The following RHBDD1 variants were observed in gnomAD, a reference collection of about 807,000 sequenced individuals.
RHBDD1 encodes the protein rhomboid-related protein 4.
A neutral mutation model predicts 36.3 loss-of-function variants in RHBDD1; 38 were observed. That is an observed-to-expected ratio of 1.05 (90% CI 0.81 to 1.37). The LOEUF (loss-of-function observed/expected upper bound fraction) is 1.37, where lower values mean the gene tolerates loss of function less well. RHBDD1 is among the 40% of genes most tolerant of loss of function. The probability of loss-of-function intolerance (pLI) is 0.00; values close to 1 mark genes in which losing one functional copy is unlikely to be tolerated. For missense variants in RHBDD1, 393 were observed against 377.6 expected (o/e 1.04, Z -0.34); for synonymous variants, 151 against 136.5 (o/e 1.11, Z -0.74).
chr2:226,928,302 C>T (rs1202984213), intron 8 of RHBDD1, among the ~76,000 whole-genome samples: 4 of 152,020 alleles, frequency 2.6e-5, no homozygotes, highest in Non-Finnish European at 5.9e-5. Context: ...TATCAGATAT[C>T]TTCTCAGACC....
chr2:226,968,432 A>G (rs1240518645), intron 8 of RHBDD1, among the ~76,000 whole-genome samples: 1 of 152,166 alleles, frequency 6.6e-6, no homozygotes, highest in Non-Finnish European at 1.5e-5. Flanking sequence ...GGGAAGTTTC[A>G]GCTCTGCTCT....
At chr2:226,955,104 G>A (rs1951702991) in intron 8 of RHBDD1, among the ~76,000 whole-genome samples, 1 of 152,072 alleles carries the variant, frequency 6.6e-6, no homozygotes, top group South Asian at 2.1e-4. Flanking sequence ...GGCTCAGGGA[G>A]GGTCACTTGG....
chr2:226,868,566 T>C (rs1012045113), intron 5 of RHBDD1, among the ~76,000 whole-genome samples: 21 of 152,358 alleles, frequency 1.4e-4, no homozygotes, highest in Admixed American at 1.4e-3. Flanking sequence ...AAGGGTGAGA[T>C]TCAGGAAGGT....
the RHBDD1 span, chr2:226,804,205 G>A: frequency 6.6e-6 from 1 of 152,162 alleles, no homozygotes; most frequent in Admixed American, 6.5e-5. Flanking sequence ...AGTTGTGTTA[G>A]TGTTTTCCAA....
At chr2:226,989,569 ATTGT>A (rs1957720534) in intron 8 of RHBDD1, among the ~76,000 whole-genome samples, 1 of 152,144 alleles carries the variant, frequency 6.6e-6, no homozygotes, top group Non-Finnish European at 1.5e-5. Context: ...GCATGTAGCA[ATTGT>A]CCCACAAATA....
intron 8 of RHBDD1, among the ~76,000 whole-genome samples, chr2:226,967,421 A>C (rs181862794): frequency 7.2e-5 from 11 of 152,158 alleles, no homozygotes; most frequent in Admixed American, 2.0e-4. Flanking sequence ...TTTAGGGTAC[A>C]TGTGCACAAT....
intron 8 of RHBDD1, among the ~76,000 whole-genome samples, chr2:226,934,979 C>T (rs896729203): frequency 2.8e-4 from 42 of 152,048 alleles, no homozygotes; most frequent in Middle Eastern, 3.4e-3. Flanking sequence ...GCCGGAAATC[C>T]TTACTGACAT....
At chr2:226,921,463 C>T (rs1355674516) in intron 8 of RHBDD1, among the ~76,000 whole-genome samples, 6 of 151,980 alleles carry the variant, frequency 3.9e-5, no homozygotes, top group Admixed American at 6.6e-5. Flanking sequence ...TAGATACAGG[C>T]GCCTATTGCT....
At chr2:226,960,479 A>C (rs1952113705) in intron 8 of RHBDD1, among the ~76,000 whole-genome samples, 1 of 152,188 alleles carries the variant, frequency 6.6e-6, no homozygotes, top group African/African-American at 2.4e-5. Context: ...ATTTTCTGTT[A>C]CTTTATATTT....
chr2:226,808,360 G>A, the RHBDD1 span: 2 of 152,168 alleles, frequency 1.3e-5, no homozygotes, highest in Non-Finnish European at 2.9e-5. Flanking sequence ...GAATAATTAT[G>A]AAACATCAAC....
chr2:226,882,430 CA>C (rs58149634), intron 5 of RHBDD1, among the ~76,000 whole-genome samples: 899 of 57,134 alleles, frequency 0.016, 7 homozygotes, highest in Admixed American at 0.033. Context: ...GACTTTGCCT[CA>C]AAAAAAAAAA....
rs564888591 is a variant in RHBDD1, at chr2:226,986,562, C to T, written c.857-8869C>T. Among the ~76,000 whole-genome samples, 5 of 151,976 alleles carry T rather than the reference C, an allele frequency of 3.3e-5. No individual in the cohort carries two copies. In the East Asian group the frequency reaches 9.7e-4, roughly 29 times the overall value. ...TCTCAAAAGAAGACATTTATGTGGCCAAGAAGCATATGAAAAAAAGCTCAT... is the reference window on the plus strand; with the variant it reads ...TCTCAAAAGAAGACATTTATGTGGCTAAGAAGCATATGAAAAAAAGCTCAT... On this transcript the variant is annotated intron_variant, in intron 8 of 8. Transcript: ENST00000392062.
chr2:226,804,915 T>G, the RHBDD1 span: 1 of 152,188 alleles, frequency 6.6e-6, no homozygotes, highest in African/African-American at 2.4e-5. Context: ...CTCCGCAATT[T>G]GGGAGGCAGA....
At position 226,911,931 on chromosome 2, in the gene RHBDD1, C is replaced by T. The variant is rs189901248; in HGVS notation, c.713-2277C>T. 2.6e-3 allele frequency among the ~76,000 whole-genome samples: 403 copies of T among 152,202 alleles called. 1 individual carries two copies. Among genetic ancestry groups the T allele is most frequent in the African/African-American group, 8.6e-3 (358 of 41,552 alleles). ...TGGGGCAAAGCTTTTCAGAATTAGT[C>T]TCCAAAATCCTAAACCATTTTATTT... On this transcript the variant is annotated intron_variant, in intron 7 of 8. Coordinates refer to ENST00000392062, the MANE Select transcript of RHBDD1 (RefSeq NM_001167608.3).
At chr2:226,865,638 GC>G (rs1241512657) in intron 4 of RHBDD1, among the ~76,000 whole-genome samples, 1 of 152,180 alleles carries the variant, frequency 6.6e-6, no homozygotes, top group African/African-American at 2.4e-5. Context: ...TCAAAAAGCT[GC>G]CTAGGGCTGT....
chr2:226,882,732 T>C (rs1293138636), intron 5 of RHBDD1, among the ~76,000 whole-genome samples: 1 of 152,146 alleles, frequency 6.6e-6, no homozygotes, highest in Non-Finnish European at 1.5e-5. Flanking sequence ...AGTTAGTCCT[T>C]TGGTCTTAGA....
chr2:226,801,378 A>G, the RHBDD1 span, among the ~76,000 whole-genome samples: 1 of 152,164 alleles, frequency 6.6e-6, no homozygotes, highest in Admixed American at 6.5e-5. Context: ...GCGTAGTAAA[A>G]AAAGAAAAAG....
chr2:226,946,588 C>T (rs1376066913), intron 8 of RHBDD1, among the ~76,000 whole-genome samples: 1 of 152,066 alleles, frequency 6.6e-6, no homozygotes, highest in Non-Finnish European at 1.5e-5. Flanking sequence ...AAACGGACCA[C>T]TAGCCAGACT....
chr2:226,812,363 T>G, the RHBDD1 span, among the ~76,000 whole-genome samples: 2 of 152,256 alleles, frequency 1.3e-5, no homozygotes, highest in African/African-American at 4.8e-5. Context: ...TTTTGAATGC[T>G]GATAACATTT....
Sources: gnomAD v4.1 joint callset for allele counts (sites outside exome capture counted in the v4.1 genomes callset) on GRCh38, gnomAD v4.1.1 for gene constraint, MANE v1.5 for transcripts, NCBI Gene and HGNC (gene_info 2026-07-23, HGNC 2026-07-21) for gene names.